UBASH3A: variants seen among roughly 807,000 people sequenced by gnomAD.
UBASH3A encodes the protein ubiquitin-associated and SH3 domain-containing protein A.
Under a neutral mutation model 73.5 loss-of-function variants are expected in UBASH3A, and 63 were observed. The observed-to-expected ratio is 0.86, with a 90% CI of 0.70 to 1.06. The LOEUF (loss-of-function observed/expected upper bound fraction) is 1.06, where lower values mean the gene tolerates loss of function less well. Ranked by LOEUF, UBASH3A falls within the 50% of genes least tolerant of loss-of-function variation. The pLI, the probability that UBASH3A is intolerant of heterozygous loss-of-function variation, is 0.00. For missense variants in UBASH3A, 860 were observed against 859.0 expected (o/e 1.00, Z -0.02); for synonymous variants, 363 against 351.1 (o/e 1.03, Z -0.38).
chr21:42,413,253 G>A lies in UBASH3A; in HGVS notation c.553+31G>A. On this transcript the variant is annotated intron_variant, in intron 4 of 14. Transcript: ENST00000319294. This position sits in a 1 kb window ranked among gnomAD's most constrained non-coding sequence, Gnocchi z 4.5. Reference sequence around the variant, plus strand: ...CAGCCCTGGCCAGTTGCAAACACAGGGCTGGATTCACAGTGAGTGAGCCCT... The same window carrying A: ...CAGCCCTGGCCAGTTGCAAACACAGAGCTGGATTCACAGTGAGTGAGCCCT... The A allele has an allele frequency of 1.2e-6, 2 of 1,612,382 alleles. No individual in the cohort carries two copies. The highest frequency in any genetic ancestry group is 1.7e-6 in the Non-Finnish European group (2 of 1,178,590).
intron 11 of UBASH3A, among the ~76,000 whole-genome samples, chr21:42,440,329 GTGGC>G (rs2053719305): frequency 6.6e-6 from 1 of 152,244 alleles, no homozygotes. Flanking sequence ...CAGTGTGAGG[GTGGC>G]TCTTAATAAC....
intron 3 of UBASH3A, among the ~76,000 whole-genome samples, chr21:42,411,560 GACACAC>G (rs1568910772): frequency 1.3e-5 from 2 of 150,920 alleles, no homozygotes; most frequent in African/African-American, 4.9e-5. Context: ...CGCATATGCA[GACACAC>G]ACACAGACAC....
intron 11 of UBASH3A, among the ~76,000 whole-genome samples, chr21:42,441,021 T>A (rs1250274953): frequency 6.6e-6 from 1 of 152,198 alleles, no homozygotes; most frequent in Non-Finnish European, 1.5e-5. Flanking sequence ...TGTCAAAATC[T>A]TTAATGTGAT....
At chr21:42,410,181 C>T (rs1286579382) in intron 3 of UBASH3A, 1 of 701,400 alleles carries the variant, frequency 1.4e-6, no homozygotes, top group Non-Finnish European at 2.6e-6. Context: ...ACACAATGGC[C>T]CAGCAGGCAG....
rs776368528 is a variant in UBASH3A, at chr21:42,406,273, G to A, written c.114-35G>A. ...TCTGACCCTTTTCCCAAGAATGGGC[G>A]ACGTGACTTTGTGTCTGTGTCTGCT... On this transcript the variant is annotated intron_variant, in intron 1 of 14. Transcript: ENST00000319294. 1.6e-5 allele frequency: 26 copies of A among 1,599,542 alleles called. No individual in the cohort carries two copies. In the East Asian group the frequency reaches 2.2e-4, roughly 14 times the overall value.
At chr21:42,429,573 G>A (rs2053495005) in intron 8 of UBASH3A, among the ~76,000 whole-genome samples, 2 of 152,160 alleles carry the variant, frequency 1.3e-5, no homozygotes, top group African/African-American at 4.8e-5. Context: ...GTTTCCAAGA[G>A]CATGCATGCT....
intron 8 of UBASH3A, among the ~76,000 whole-genome samples, chr21:42,429,165 G>A (rs1409686018): frequency 6.6e-6 from 1 of 152,200 alleles, no homozygotes; most frequent in Non-Finnish European, 1.5e-5. Context: ...GGGGCCACCA[G>A]GAGCTGGAAG....
chr21:42,426,600 C>T, intron 7 of UBASH3A, 97 bp from the exon 8 acceptor site: 1 of 1,440,680 alleles, frequency 6.9e-7, no homozygotes, highest in Non-Finnish European at 9.5e-7. Context: ...TGAGGTTGTC[C>T]CGGACATTCT....
At chr21:42,423,865 T>C (rs1206494489) in intron 7 of UBASH3A, among the ~76,000 whole-genome samples, 3 of 152,102 alleles carry the variant, frequency 2.0e-5, no homozygotes, top group Non-Finnish European at 2.9e-5. Context: ...AGCACCCTCA[T>C]TGTGGCTGGG....
At chr21:42,411,551 G>A (rs908394841) in intron 3 of UBASH3A, among the ~76,000 whole-genome samples, 2 of 149,768 alleles carry the variant, frequency 1.3e-5, no homozygotes, top group East Asian at 2.0e-4. Context: ...ATAGACATAC[G>A]CATATGCAGA....
At chr21:42,416,387 G>A in intron 5 of UBASH3A, 55 bp from the exon 6 acceptor site, 2 of 1,485,308 alleles carry the variant, frequency 1.3e-6, no homozygotes, top group Non-Finnish European at 1.8e-6. Flanking sequence ...GTCGGAGGAA[G>A]GAGACATTTA....
At chr21:42,441,242 G>A (rs1463724801) in intron 11 of UBASH3A, among the ~76,000 whole-genome samples, 1 of 152,110 alleles carries the variant, frequency 6.6e-6, no homozygotes, top group Non-Finnish European at 1.5e-5. Context: ...CAATGTCAGA[G>A]AATGTCCACA....
chr21:42,428,997 A>G (rs2053485724), intron 8 of UBASH3A, among the ~76,000 whole-genome samples: 1 of 152,164 alleles, frequency 6.6e-6, no homozygotes, highest in Admixed American at 6.5e-5. Flanking sequence ...GGGTCTTGAA[A>G]TGAGGAAATG....
At chr21:42,417,296 A>G (rs2053231306) in intron 6 of UBASH3A, among the ~76,000 whole-genome samples, 1 of 150,962 alleles carries the variant, frequency 6.6e-6, no homozygotes. Flanking sequence ...TGATGGCACG[A>G]ACCTGTAATC....
At position 42,442,521 on chromosome 21, in the gene UBASH3A, C is replaced by A. The variant is rs767529029; in HGVS notation, c.1556C>A (p.Ala519Asp). The A allele has an allele frequency of 1.9e-6, 3 of 1,614,040 alleles. No individual in the cohort carries two copies. In the East Asian group the frequency reaches 6.7e-5, roughly 36 times the overall value. Reference sequence around the variant, plus strand: ...ATCTTTGAATGGACAAAATGGGAAGCTGGCAAAACCACCCCAACCCTCATG... The same window carrying A: ...ATCTTTGAATGGACAAAATGGGAAGATGGCAAAACCACCCCAACCCTCATG... ...PGIFEWTKWEAGKTTPTLMSL... is the reference protein window; with the variant it reads ...PGIFEWTKWEDGKTTPTLMSL... Residue 519 changes from alanine (A) to aspartate (D), a missense_variant, in exon 12 of 15, where the codon GCT becomes GAT. Coordinates refer to ENST00000319294, the MANE Select transcript of UBASH3A (RefSeq NM_018961.4).
Position 42,426,798 on chromosome 21 carries a change from T to G in UBASH3A, c.1148T>G (p.Leu383Arg). The G allele has an allele frequency of 3.1e-6, 5 of 1,614,226 alleles. No individual in the cohort carries two copies. Among genetic ancestry groups the G allele is most frequent in the Non-Finnish European group, 4.2e-6 (5 of 1,180,032 alleles). Residue 383 changes from leucine to arginine, a missense_variant, in exon 8 of 15, where the codon CTT (leucine) becomes CGT (arginine). Coordinates refer to ENST00000319294, the MANE Select transcript of UBASH3A (RefSeq NM_018961.4). The stretch of plus-strand genomic sequence containing the variant: ...TTTCTTCCACAAACGGCAAGGAGTC[T>G]TAGCAGCTTACAGGCCTTGCAGGTA... ...GEFLPQTARS[L>R]SSLQALQATV... is the part of the protein sequence containing the mutation.
intron 7 of UBASH3A, among the ~76,000 whole-genome samples, chr21:42,419,132 G>A (rs915367161): frequency 6.6e-6 from 1 of 152,200 alleles, no homozygotes; most frequent in African/African-American, 2.4e-5. Flanking sequence ...GCTCCCCACT[G>A]AGGCTTCACA....
chr21:42,408,726 C>T (rs1601555058), intron 2 of UBASH3A, among the ~76,000 whole-genome samples: 1 of 151,788 alleles, frequency 6.6e-6, no homozygotes, highest in South Asian at 2.1e-4. Flanking sequence ...GGTCATCCGT[C>T]GTTTTTCCTT....
chr21:42,433,592 G>A (rs883391), intron 9 of UBASH3A, among the ~76,000 whole-genome samples: 9,882 of 152,188 alleles, frequency 0.065, 565 homozygotes, highest in African/African-American at 0.15. Context: ...ATTTTAGAGG[G>A]GGATCACAGA....
Sources: allele counts gnomAD v4.1 joint callset (sites outside exome capture counted in the v4.1 genomes callset), GRCh38; gene constraint gnomAD v4.1.1; non-coding constraint Gnocchi (gnomAD v3.1); transcripts MANE v1.5; gene names NCBI Gene and HGNC (gene_info 2026-07-23, HGNC 2026-07-21).